Variants in RAPGEF2 observed in about 807,000 individuals in gnomAD.
RAPGEF2 encodes the protein Rap guanine nucleotide exchange factor 2, also known as PDZ domain containing guanine nucleotide exchange factor (GEF) 1.
A neutral mutation model predicts 186.7 loss-of-function variants in RAPGEF2; 54 were observed. That is an observed-to-expected ratio of 0.29 (90% confidence interval 0.23 to 0.36). RAPGEF2 has a LOEUF of 0.36. Ranked by LOEUF, RAPGEF2 falls within the 10% of genes least tolerant of loss-of-function variation. RAPGEF2 has a pLI of 1.00. For synonymous variants in RAPGEF2, 712 were observed against 705.9 expected, an observed-to-expected ratio of 1.01 and a Z score of -0.14; for missense variants, 1,532 against 2,045.0, an observed-to-expected ratio of 0.75 and a Z score of 4.84.
chr4:159,331,494 A>G lies in RAPGEF2; in HGVS notation c.1531A>G (p.Met511Val). The G allele has an allele frequency of 1.9e-6, 3 of 1,613,690 alleles. No individual in the cohort carries two copies. The highest frequency in any genetic ancestry group is 1.7e-5 in the Admixed American group (1 of 60,010). The stretch of plus-strand genomic sequence containing the variant: ...CAATGACTTTGAAGGAGATCCTGCA[A>G]TGACTCGATTTTTAGAAGAATTTGA... ...HFNDFEGDPA[M>V]TRFLEEFENN... is the part of the protein sequence containing the mutation. The change falls in exon 14 of 30, where the codon ATG becomes GTG. Residue 511 changes from methionine (M) to valine (V), a missense_variant. Physicochemically the swap from Met to Val is conservative, Grantham distance 21. Coordinates refer to ENST00000691494, the MANE Select transcript of RAPGEF2 (RefSeq NM_001394067.2).
intron 1 of RAPGEF2, among the ~76,000 whole-genome samples, chr4:159,118,786 T>C (rs1739342855): frequency 6.6e-6 from 1 of 152,104 alleles, no homozygotes; most frequent in Non-Finnish European, 1.5e-5. Flanking sequence ...GGTTTCACCA[T>C]GTTGACCAGA....
intron 7 of RAPGEF2, among the ~76,000 whole-genome samples, chr4:159,299,463 C>G (rs1270540926): frequency 6.6e-6 from 1 of 151,330 alleles, no homozygotes; most frequent in South Asian, 2.1e-4. Context: ...GAATAAGCCT[C>G]TGTTGATAAT....
chr4:159,126,000 C>A (rs1239317473), intron 1 of RAPGEF2, among the ~76,000 whole-genome samples: 2 of 152,112 alleles, frequency 1.3e-5, no homozygotes, highest in East Asian at 1.9e-4. Context: ...GAAAAACTTA[C>A]TACAATGTGT....
intron 8 of RAPGEF2, 74 bp from the exon 9 acceptor site, chr4:159,314,517 T>C (rs1764316073): frequency 3.0e-6 from 4 of 1,339,396 alleles, no homozygotes; most frequent in Admixed American, 2.8e-5. Context: ...TGAATGAGGC[T>C]TGCTCTTGTT....
At chr4:159,347,754 T>C (rs576997321) in intron 25 of RAPGEF2, among the ~76,000 whole-genome samples, 1 of 152,318 alleles carries the variant, frequency 6.6e-6, no homozygotes, top group East Asian at 1.9e-4. Flanking sequence ...GCTGCACTCC[T>C]CCAGCCTGGG....
At chr4:159,348,950 A>G (rs908200927) in intron 25 of RAPGEF2, among the ~76,000 whole-genome samples, 3 of 152,218 alleles carry the variant, frequency 2.0e-5, no homozygotes, top group African/African-American at 7.2e-5. Flanking sequence ...TATACTTTCT[A>G]CATCTTTAAC....
At chr4:159,250,737 C>T (rs1223225049) in intron 7 of RAPGEF2, among the ~76,000 whole-genome samples, 8 of 140,702 alleles carry the variant, frequency 5.7e-5, no homozygotes, top group African/African-American at 2.2e-4. Flanking sequence ...GTGGCGTCAT[C>T]TTGGCTCACT....
chr4:159,314,496 A>T, intron 8 of RAPGEF2, 95 bp from the exon 9 acceptor site: 1 of 1,111,682 alleles, frequency 9.0e-7, no homozygotes, highest in Non-Finnish European at 1.2e-6. Flanking sequence ...TAAATATAAC[A>T]AGCATTATTT....
At chr4:159,204,648 G>C (rs1161002858) in intron 3 of RAPGEF2, among the ~76,000 whole-genome samples, 1 of 152,168 alleles carries the variant, frequency 6.6e-6, no homozygotes, top group Admixed American at 6.5e-5. Flanking sequence ...ATGAAAAACA[G>C]AAACAGGAGC....
intron 10 of RAPGEF2, among the ~76,000 whole-genome samples, chr4:159,323,174 G>T (rs1029643761): frequency 1.7e-4 from 26 of 152,072 alleles, no homozygotes; most frequent in African/African-American, 6.3e-4. Flanking sequence ...ATGAGCTTTG[G>T]GGGGACAGAG....
rs545404421 is a variant in RAPGEF2 at position 159,357,668 on chromosome 4, G to C, written c.4958-446G>C. 1.2e-4 allele frequency among the ~76,000 whole-genome samples: 19 copies of C among 152,180 alleles called. No individual in the cohort carries two copies. The East Asian group carries it at 3.5e-3, about 28-fold the overall frequency. ...ACTGTGGATGGCAAACCCACACCCT[G>C]TCTCAAAAAAGTTAAATTAAATTAA... On this transcript the variant is annotated intron_variant, in intron 29 of 29. Transcript: ENST00000691494.
At chr4:159,261,402 T>C (rs1756862065) in intron 7 of RAPGEF2, among the ~76,000 whole-genome samples, 1 of 152,202 alleles carries the variant, frequency 6.6e-6, no homozygotes, top group African/African-American at 2.4e-5. Flanking sequence ...ACTTAGTAAA[T>C]CCTAACAGTT....
intron 1 of RAPGEF2, among the ~76,000 whole-genome samples, chr4:159,135,552 A>G (rs551047889): frequency 4.6e-5 from 7 of 152,296 alleles, no homozygotes; most frequent in Admixed American, 2.6e-4. Flanking sequence ...TACTATCCAT[A>G]TATCTTTGGT....
rs574026545 is a variant in RAPGEF2 at position 159,288,804 on chromosome 4, G to A, written c.544-15538G>A. Among the ~76,000 whole-genome samples, 13 of 152,112 alleles carry A rather than the reference G, an allele frequency of 8.5e-5. No homozygotes were observed. In the East Asian group the frequency reaches 1.9e-3, roughly 23 times the overall value. Reference sequence around the variant, plus strand: ...TCCAGTCACCTTGAAATTGTTTCTCGACCATTCCTAGGTTTATCCCACCTG... The same window carrying A: ...TCCAGTCACCTTGAAATTGTTTCTCAACCATTCCTAGGTTTATCCCACCTG... On this transcript the variant is annotated intron_variant, in intron 7 of 29. Coordinates refer to ENST00000691494, the MANE Select transcript of RAPGEF2 (RefSeq NM_001394067.2).
chr4:159,164,862 T>G (rs546842833), intron 1 of RAPGEF2, among the ~76,000 whole-genome samples: 4 of 152,354 alleles, frequency 2.6e-5, no homozygotes. Context: ...CAGCGTATTT[T>G]GTGACTTAGT....
At chr4:159,160,440 A>C (rs1297259266) in intron 1 of RAPGEF2, among the ~76,000 whole-genome samples, 2 of 152,238 alleles carry the variant, frequency 1.3e-5, no homozygotes, top group East Asian at 3.8e-4. Context: ...TGAAGCTTCA[A>C]ACCCATCTGT....
rs929754508 is a variant in RAPGEF2 at position 159,340,725 on chromosome 4, G to A, written c.2535-839G>A. On this transcript the variant is annotated intron_variant, in intron 19 of 29. Transcript: ENST00000691494. Reference sequence around the variant, plus strand: ...CACACACATTTATGGAATTTTCACAGAGAAAGCATGTGTCTAAAAAACAAA... The same window carrying A: ...CACACACATTTATGGAATTTTCACAAAGAAAGCATGTGTCTAAAAAACAAA... Among the ~76,000 whole-genome samples, 15 of 126,240 alleles carry A rather than the reference G, an allele frequency of 1.2e-4. 2 individuals carry two copies. The highest frequency in any genetic ancestry group is 4.9e-4 in the African/African-American group (15 of 30,812). 82.8% of individuals were successfully genotyped at this position (126,240 alleles called of 152,430 possible).
At chr4:159,242,813 A>G (rs1754167467) in intron 6 of RAPGEF2, among the ~76,000 whole-genome samples, 1 of 152,066 alleles carries the variant, frequency 6.6e-6, no homozygotes, top group Non-Finnish European at 1.5e-5. Flanking sequence ...AACACAGATA[A>G]TATTTTAGCC....
Position 159,310,275 on chromosome 4 carries a change from A to G in RAPGEF2, c.676-4316A>G, listed in dbSNP as rs78559581. Among the ~76,000 whole-genome samples, 1,511 of 152,260 alleles carry G rather than the reference A, an allele frequency of 9.9e-3. 21 individuals are homozygous for G. Among genetic ancestry groups the G allele is most frequent in the African/African-American group, 0.034 (1,410 of 41,566 alleles). On this transcript the variant is annotated intron_variant, in intron 8 of 29. Transcript: ENST00000691494. ...AATAAGCATTTATAGACATTTTTAT[A>G]TACTCCTCGTAGGATTGTAATTTTG...
Sources: allele counts gnomAD v4.1 joint callset (sites outside exome capture counted in the v4.1 genomes callset), GRCh38; gene constraint gnomAD v4.1.1; transcripts MANE v1.5; gene names NCBI Gene and HGNC (gene_info 2026-07-23, HGNC 2026-07-21).